Variants in WWOX observed in about 807,000 individuals in gnomAD.
The protein encoded by WWOX is WW domain-containing oxidoreductase.
WWOX carries 69 observed loss-of-function variants against 46.2 expected under a neutral mutation model. The ratio of observed to expected loss-of-function variants is 1.49; its 90% CI spans 1.23 to 1.82. The LOEUF (loss-of-function observed/expected upper bound fraction) is 1.82, where lower values mean the gene tolerates loss of function less well. Among genes scored for constraint, WWOX ranks in the 40% most tolerant of loss-of-function variants. The probability of loss-of-function intolerance (pLI) is 0.00; values close to 1 mark genes in which losing one functional copy is unlikely to be tolerated. For synonymous variants in WWOX, 359 were observed against 202.6 expected (o/e 1.77, Z -6.56); for missense variants, 919 against 542.6 (o/e 1.69, Z -6.89).
chr16:78,590,870 C>T (rs1014886408), intron 8 of WWOX, among the ~76,000 whole-genome samples: 3 of 152,102 alleles, frequency 2.0e-5, no homozygotes, highest in Admixed American at 2.0e-4. Context: ...GCTCAGACTC[C>T]AGCGTTTAGA....
intron 8 of WWOX, among the ~76,000 whole-genome samples, chr16:78,895,015 G>A (rs971014692): frequency 1.3e-5 from 2 of 152,152 alleles, no homozygotes; most frequent in African/African-American, 2.4e-5. Flanking sequence ...ATGCCGCCGG[G>A]CACCGGTTTA....
chr16:78,578,593 T>C (rs1216182119), intron 8 of WWOX, among the ~76,000 whole-genome samples: 1 of 151,918 alleles, frequency 6.6e-6, no homozygotes, highest in Non-Finnish European at 1.5e-5. Flanking sequence ...TGGCGAAAAT[T>C]ATATATTATA....
chr16:78,375,266 C>T (rs8046732), intron 5 of WWOX, among the ~76,000 whole-genome samples: 15,480 of 152,264 alleles, frequency 0.1, 1,118 homozygotes, highest in African/African-American at 0.2. Context: ...ATCCGTCACA[C>T]GCAGTGTGGC....
In WWOX at chr16:79,211,893, A is replaced by G. The variant is rs142218559; in HGVS notation, c.*97A>G. On this transcript the variant is annotated 3_prime_UTR_variant, in exon 9 of 9. Transcript: ENST00000566780. ...CCCCTTCCAAATGTCCCTCCAACAC[A>G]GATCCGCAAGAGTAAAGGAAATAAG... 0.014 allele frequency: 21,259 copies of G among 1,566,482 alleles called. 193 individuals carry two copies. Among genetic ancestry groups the G allele is most frequent in the Middle Eastern group, 0.028 (169 of 6,002 alleles).
chr16:78,715,066 A>T (rs534869482), intron 8 of WWOX, among the ~76,000 whole-genome samples: 1 of 152,212 alleles, frequency 6.6e-6, no homozygotes, highest in South Asian at 2.1e-4. Flanking sequence ...TGATTGCTTG[A>T]GCCCAGGAAT....
Position 78,424,939 on chromosome 16 carries a change from G to A in WWOX, c.675G>A (p.Leu225=). The part of the protein sequence containing the change: ...ALPWSLTKDG[L]ETTFQVNHLG... ...CCTGGAGTCTCACCAAAGATGGCCTGGAGACCACCTTTCAAGTGAATCATC... is the reference window on the plus strand; with the variant it reads ...CCTGGAGTCTCACCAAAGATGGCCTAGAGACCACCTTTCAAGTGAATCATC... The change falls in exon 7 of 9, where the codon CTG becomes CTA. Residue 225 remains leucine, a synonymous_variant. Transcript: ENST00000566780. The A allele has an allele frequency of 1.2e-6, 2 of 1,614,128 alleles. No homozygotes were observed. Among genetic ancestry groups the A allele is most frequent in the Non-Finnish European group, 1.7e-6 (2 of 1,180,030 alleles).
intron 8 of WWOX, among the ~76,000 whole-genome samples, chr16:78,492,624 A>G (rs1334048414): frequency 6.6e-6 from 1 of 152,230 alleles, no homozygotes; most frequent in Non-Finnish European, 1.5e-5. Flanking sequence ...TTTTCAAAGA[A>G]GACTGAATTT....
chr16:78,621,555 T>C (rs996563891), intron 8 of WWOX, among the ~76,000 whole-genome samples: 1 of 150,082 alleles, frequency 6.7e-6, no homozygotes, highest in Non-Finnish European at 1.5e-5. Flanking sequence ...GTATATTCAA[T>C]GATTCACTTG....
At chr16:78,364,884 TC>T (rs1172276214) in intron 5 of WWOX, among the ~76,000 whole-genome samples, 7 of 152,200 alleles carry the variant, frequency 4.6e-5, no homozygotes, top group Admixed American at 1.3e-4. Flanking sequence ...TTCTGATTTT[TC>T]TTGTCTTTAT....
At chr16:79,007,192 G>T (rs539911501) in intron 8 of WWOX, among the ~76,000 whole-genome samples, 2 of 152,138 alleles carry the variant, frequency 1.3e-5, no homozygotes, top group Admixed American at 6.5e-5. Context: ...AGAAGTCAAC[G>T]AGAAAGTCAA....
At chr16:78,465,416 G>T (rs2084051151) in intron 8 of WWOX, among the ~76,000 whole-genome samples, 1 of 152,192 alleles carries the variant, frequency 6.6e-6, no homozygotes, top group Non-Finnish European at 1.5e-5. Flanking sequence ...CTAAGCTCAA[G>T]CAGTCCGCCT....
intron 5 of WWOX, among the ~76,000 whole-genome samples, chr16:78,235,187 G>C (rs953649478): frequency 6.6e-6 from 1 of 151,974 alleles, no homozygotes; most frequent in Non-Finnish European, 1.5e-5. Context: ...TAGTAGGAAG[G>C]GGCCTTGCCA....
intron 8 of WWOX, among the ~76,000 whole-genome samples, chr16:78,864,890 G>C (rs1170462018): frequency 2.7e-5 from 4 of 148,986 alleles, no homozygotes; most frequent in African/African-American, 1.0e-4. Context: ...AGCCCCCCGA[G>C]TAGCTGGGAC....
chr16:78,211,297 A>G (rs1343757217), intron 5 of WWOX, among the ~76,000 whole-genome samples: 1 of 152,210 alleles, frequency 6.6e-6, no homozygotes, highest in Non-Finnish European at 1.5e-5. Flanking sequence ...CTCACACGTC[A>G]CAAGGAGTCC....
chr16:78,418,920 C>T (rs113244824), intron 6 of WWOX, among the ~76,000 whole-genome samples: 3 of 151,848 alleles, frequency 2.0e-5, no homozygotes, highest in African/African-American at 7.3e-5. Context: ...CTTTAATATT[C>T]TACTAGAAAT....
chr16:78,722,439 G>A (rs1017431396), intron 8 of WWOX, among the ~76,000 whole-genome samples: 2 of 152,304 alleles, frequency 1.3e-5, no homozygotes, highest in African/African-American at 4.8e-5. Flanking sequence ...ATGAGCAGCA[G>A]TTGTCAAGTA....
chr16:78,388,361 T>G (rs960278299), intron 6 of WWOX, among the ~76,000 whole-genome samples: 7 of 152,114 alleles, frequency 4.6e-5, no homozygotes, highest in Non-Finnish European at 1.0e-4. Context: ...AAAAGTTTGC[T>G]CTCAGCTGGG....
At chr16:79,182,819 G>T (rs576452612) in intron 8 of WWOX, among the ~76,000 whole-genome samples, 1 of 152,360 alleles carries the variant, frequency 6.6e-6, no homozygotes, top group African/African-American at 2.4e-5. Context: ...CACTGTGTGT[G>T]TGTTACAGAA....
At chr16:78,431,655 G>A (rs2083219726) in intron 7 of WWOX, among the ~76,000 whole-genome samples, 1 of 149,832 alleles carries the variant, frequency 6.7e-6, no homozygotes, top group African/African-American at 2.5e-5. Flanking sequence ...ATTTATGAGT[G>A]TGGGTCTTTA....
Sources: gnomAD v4.1 joint callset for allele counts (sites outside exome capture counted in the v4.1 genomes callset) on GRCh38, gnomAD v4.1.1 for gene constraint, MANE v1.5 for transcripts, NCBI Gene and HGNC (gene_info 2026-07-23, HGNC 2026-07-21) for gene names.